Variants in CAND2 observed in about 807,000 individuals in gnomAD.
CAND2 encodes cullin-associated NEDD8-dissociated protein 2.
CAND2 carries 62 observed loss-of-function variants against 98.9 expected under a neutral mutation model. The ratio of observed to expected loss-of-function variants is 0.63; its 90% confidence interval spans 0.51 to 0.77. The LOEUF is 0.77. Ranked by LOEUF, CAND2 falls within the 30% of genes least tolerant of loss-of-function variation. CAND2 has a pLI of 0.00. For missense variants in CAND2, 1,501 were observed against 1,655.2 expected (o/e 0.91, Z 1.62); for synonymous variants, 770 against 731.9 (o/e 1.05, Z -0.84).
In CAND2 at chr3:12,796,798, G is replaced by A. The variant is rs764899040; in HGVS notation, c.68+10G>A. On this transcript the variant is annotated intron_variant, in intron 1 of 14. Transcript: ENST00000456430. ...GCGACAAGGACTTCAGGTGCAGCCCGCCGCCGGCCCCCTTCTCTCCTTCCC... is the reference window on the plus strand; with the variant it reads ...GCGACAAGGACTTCAGGTGCAGCCCACCGCCGGCCCCCTTCTCTCCTTCCC... 1.3e-6 allele frequency: 2 copies of A among 1,569,600 alleles called. No homozygotes were observed. The highest frequency in any genetic ancestry group is 1.7e-6 in the Non-Finnish European group (2 of 1,155,910).
rs374721572 is a variant in CAND2 at position 12,817,237 on chromosome 3, C to G, written c.2305C>G (p.Pro769Ala). The change falls in exon 10 of 15, where the codon CCC becomes GCC. Residue 769 changes from proline to alanine, a missense_variant. Transcript: ENST00000456430. The stretch of plus-strand genomic sequence containing the variant: ...CCTGCAGGCCCTGGTAGGGACCCGT[C>G]CCCCGTGTGTGGACTATGCCAAACT... ...GFLQALVGTR[P>A]PCVDYAKLIS... The G allele has an allele frequency of 6.2e-7, 1 of 1,613,798 alleles. No individual in the cohort carries two copies. The highest frequency in any genetic ancestry group is 2.2e-5 in the East Asian group (1 of 44,886).
intron 11 of CAND2, among the ~76,000 whole-genome samples, chr3:12,823,267 T>C (rs2061971993): frequency 7.5e-6 from 1 of 132,632 alleles, no homozygotes; most frequent in African/African-American, 3.0e-5. Context: ...ATGTGGATCA[T>C]TTTAAATACA....
intron 12 of CAND2, among the ~76,000 whole-genome samples, 185 bp downstream of exon 12, chr3:12,825,824 T>A (rs1315142817): frequency 1.3e-5 from 2 of 152,206 alleles, no homozygotes; most frequent in Non-Finnish European, 2.9e-5. Context: ...AGCCTCAGTT[T>A]CTCCTCGTGA....
chr3:12,808,895 G>A (rs2061828470), intron 4 of CAND2, among the ~76,000 whole-genome samples: 1 of 152,162 alleles, frequency 6.6e-6, no homozygotes, highest in South Asian at 2.1e-4. Context: ...AGGGGTCGTG[G>A]GGCAGGCTGT....
chr3:12,817,283 C>T lies in CAND2; in HGVS notation c.2351C>T (p.Pro784Leu), dbSNP rs768320623. Residue 784 changes from proline (P) to leucine (L), a missense_variant, in exon 10 of 15, where the codon CCT (proline) becomes CTT (leucine). Pro to Leu is a moderately conservative substitution (Grantham distance 98, BLOSUM62 -3). Around this residue, in one of 3 missense-constraint regions of CAND2, gnomAD observed 1,427 missense variants for 1,545.3 expected, o/e 0.92. Transcript: ENST00000456430. ...YAKLISLLTAPVYEQAVDGGP... is the reference protein window; with the variant it reads ...YAKLISLLTALVYEQAVDGGP... ...AAACTCATCAGCCTGCTCACTGCGCCTGTTTATGAGCAGGCTGTGGATGGT... is the reference window on the plus strand; with the variant it reads ...AAACTCATCAGCCTGCTCACTGCGCTTGTTTATGAGCAGGCTGTGGATGGT... 1.3e-5 allele frequency: 21 copies of T among 1,614,012 alleles called. No individual in the cohort carries two copies. The South Asian group carries it at 2.2e-4, about 17-fold the overall frequency.
rs201739910 is a variant in CAND2, at chr3:12,815,909, C to G, written c.1342C>G (p.Arg448Gly). 8.8e-5 allele frequency: 142 copies of G among 1,613,732 alleles called. No individual in the cohort carries two copies. The East Asian group carries it at 2.9e-3, about 33-fold the overall frequency. The change falls in exon 9 of 15, where the codon CGG becomes GGG. Residue 448 changes from arginine (R) to glycine (G), a missense_variant. Around this residue, in one of 3 missense-constraint regions of CAND2, gnomAD observed 1,427 missense variants for 1,545.3 expected, o/e 0.92. Coordinates refer to ENST00000456430, the MANE Select transcript of CAND2 (RefSeq NM_001162499.2). This position sits in a 1 kb window ranked among gnomAD's most constrained non-coding sequence, Gnocchi z 5.7. ...VKALQRQLKD[R>G]SVRARQGCFS... ...GGCCCTGCAGCGGCAGCTTAAAGATCGGAGCGTCAGAGCCCGCCAGGGATG... is the reference window on the plus strand; with the variant it reads ...GGCCCTGCAGCGGCAGCTTAAAGATGGGAGCGTCAGAGCCCGCCAGGGATG...
chr3:12,805,462 A>G (rs1413240117), intron 2 of CAND2, among the ~76,000 whole-genome samples: 2 of 151,536 alleles, frequency 1.3e-5, no homozygotes, highest in Non-Finnish European at 2.9e-5. Flanking sequence ...TAATTTTTGT[A>G]TTTTTAGTAG....
Position 12,813,108 on chromosome 3 carries a change from G to T in CAND2, c.863+13G>T. On this transcript the variant is annotated intron_variant, in intron 6 of 14. Transcript: ENST00000456430. ...CCTTCTTGAGGAAGTATGTATGGTG[G>T]GGTTGCCTGGGGATCCCTTTGGGAA... 6.4e-7 allele frequency: 1 copy of T among 1,568,870 alleles called. No homozygotes were observed. The highest frequency in any genetic ancestry group is 2.3e-5 in the East Asian group (1 of 43,214).
At chr3:12,800,793 G>A (rs1286199985) in intron 1 of CAND2, among the ~76,000 whole-genome samples, 1 of 152,078 alleles carries the variant, frequency 6.6e-6, no homozygotes, top group Non-Finnish European at 1.5e-5. Flanking sequence ...CACGATCTTG[G>A]CTCACTGCAA....
chr3:12,819,842 C>G (rs964127463), intron 10 of CAND2, among the ~76,000 whole-genome samples: 1 of 152,100 alleles, frequency 6.6e-6, no homozygotes, highest in Admixed American at 6.6e-5. Context: ...TTATTGGTTC[C>G]CTGTTTGCAG....
intron 4 of CAND2, 41 bp from the exon 5 acceptor site, chr3:12,810,018 C>G: frequency 7.2e-7 from 1 of 1,380,484 alleles, no homozygotes; most frequent in Non-Finnish European, 9.3e-7. Flanking sequence ...CCAGGTTGCC[C>G]GCGGAGTGCG....
chr3:12,797,267 G>A (rs906726364), intron 1 of CAND2, among the ~76,000 whole-genome samples: 1 of 150,292 alleles, frequency 6.7e-6, no homozygotes, highest in African/African-American at 2.5e-5. Context: ...ATTGAACCCG[G>A]ACCCTTCCCG....
chr3:12,827,354 A>C lies in CAND2; in HGVS notation c.3211-86A>C, dbSNP rs1474799547. On this transcript the variant is annotated intron_variant, in intron 12 of 14. Transcript: ENST00000456430. ...GATTTGGGGCTGGCATGGATTGTGG[A>C]ATAGAGATGTGGGGTTTGTAGCAGA... 6.8e-6 allele frequency: 9 copies of C among 1,315,844 alleles called. No individual in the cohort carries two copies. The African/African-American group carries it at 1.3e-4, about 19-fold the overall frequency. The allele number at this position is 1,315,844 out of a possible 1,614,324, so 81.5% of individuals were successfully genotyped here.
At chr3:12,803,442 A>C in intron 1 of CAND2, 46 bp from the exon 2 acceptor site, 1 of 1,526,868 alleles carries the variant, frequency 6.5e-7, no homozygotes, top group Non-Finnish European at 8.8e-7. Context: ...CAAATCCACC[A>C]GGGCCCAGGA....
intron 1 of CAND2, among the ~76,000 whole-genome samples, chr3:12,797,009 C>G (rs1211980329): frequency 6.6e-6 from 1 of 151,936 alleles, no homozygotes; most frequent in Non-Finnish European, 1.5e-5. Flanking sequence ...TGCCCCTCCG[C>G]GACTCCAGTC....
rs748918416 is a variant in CAND2 at position 12,825,547 on chromosome 3, CACA to C, written c.3123_3125del (p.Asn1041del). 4.3e-6 allele frequency: 7 copies of C among 1,609,454 alleles called. No individual in the cohort carries two copies. The East Asian group carries it at 1.3e-4, about 31-fold the overall frequency. On this transcript the variant is annotated inframe_deletion, in exon 12 of 15. Coordinates refer to ENST00000456430, the MANE Select transcript of CAND2 (RefSeq NM_001162499.2). Reference sequence around the variant, plus strand: ...TCTGGCTTTCTTCAACTCAGCTGTGCACAACAAGCCCTCGCTAGTCCGGGACCT... The same window carrying C: ...TCTGGCTTTCTTCAACTCAGCTGTGCACAAGCCCTCGCTAGTCCGGGACCT...
At position 12,810,195 on chromosome 3, in the gene CAND2, C is replaced by G; in HGVS notation, c.628C>G (p.Leu210Val). ...CCTGGCGGCCGCCTGCAGCACCGAC[C>G]TCTTCGTCGAGCTCGCTGACCACCT... is the stretch of plus-strand genomic sequence containing the variant. ...GHLAAACSTD[L>V]FVELADHLLD... is the part of the protein sequence containing the mutation. The change falls in exon 5 of 15, where the codon CTC becomes GTC. Residue 210 changes from leucine to valine, a missense_variant. This residue lies in a region of CAND2 where 1,427 missense variants were observed against 1,545.3 expected (regional missense o/e 0.92). Transcript: ENST00000456430. The G allele has an allele frequency of 1.3e-6, 2 of 1,540,808 alleles. No individual in the cohort carries two copies. Among genetic ancestry groups the G allele is most frequent in the Middle Eastern group, 3.6e-4 (2 of 5,600 alleles).
Position 12,808,287 on chromosome 3 carries a change from G to C in CAND2, c.445G>C (p.Ala149Pro). Residue 149 changes from alanine (A) to proline (P), a missense_variant, in exon 4 of 15, where the codon GCT becomes CCT. Around this residue, in one of 3 missense-constraint regions of CAND2, gnomAD observed 1,427 missense variants for 1,545.3 expected, o/e 0.92. Coordinates refer to ENST00000456430, the MANE Select transcript of CAND2 (RefSeq NM_001162499.2). ...TGCCATTGCCCAGCAGGAGGATGTG[G>C]CTGTGCAGCTGGAAGCCCTGGACAT... ...TSAIAQQEDV[A>P]VQLEALDILS... The C allele has an allele frequency of 5.2e-6, 8 of 1,551,512 alleles. No homozygotes were observed. The highest frequency in any genetic ancestry group is 7.0e-6 in the Non-Finnish European group (8 of 1,146,966).
intron 12 of CAND2, among the ~76,000 whole-genome samples, chr3:12,826,835 T>A (rs2062005070): frequency 6.7e-6 from 1 of 149,974 alleles, no homozygotes; most frequent in African/African-American, 2.5e-5. Context: ...ATTTACTTTT[T>A]TTTTTTTTTT....
Sources: gnomAD v4.1 joint callset for allele counts (sites outside exome capture counted in the v4.1 genomes callset) on GRCh38, gnomAD v4.1.1 for gene constraint, gnomAD v4.1.1 regional missense constraint, Gnocchi (gnomAD v3.1) non-coding constraint, MANE v1.5 for transcripts, NCBI Gene and HGNC (gene_info 2026-07-23, HGNC 2026-07-21) for gene names.